Variants in RANBP17 observed in about 807,000 individuals in gnomAD.
RANBP17 encodes ran-binding protein 17.
Under a neutral mutation model 141.2 loss-of-function variants are expected in RANBP17, and 158 were observed. The observed-to-expected ratio is 1.12, with a 90% CI of 0.98 to 1.28. The LOEUF is 1.28. RANBP17 is among the 50% of genes most tolerant of loss of function. RANBP17 has a pLI of 0.00. For missense variants in RANBP17, 1,438 were observed against 1,290.7 expected, an observed-to-expected ratio of 1.11 and a Z score of -1.75; for synonymous variants, 430 against 450.0, an observed-to-expected ratio of 0.96 and a Z score of 0.56.
intron 14 of RANBP17, among the ~76,000 whole-genome samples, chr5:171,080,531 T>C (rs1222752938): frequency 1.3e-5 from 2 of 152,200 alleles, no homozygotes; most frequent in African/African-American, 4.8e-5. Context: ...TGACATTTTG[T>C]CTGACCTGAA....
chr5:170,919,237 A>G (rs2127436215), intron 10 of RANBP17, among the ~76,000 whole-genome samples: 1 of 152,168 alleles, frequency 6.6e-6, no homozygotes, highest in Middle Eastern at 3.4e-3. Flanking sequence ...GTAATATTTT[A>G]ATGTTACTCT....
intron 1 of RANBP17, among the ~76,000 whole-genome samples, chr5:170,877,182 A>G (rs1445465520): frequency 1.3e-5 from 2 of 152,192 alleles, no homozygotes; most frequent in East Asian, 3.8e-4. Flanking sequence ...TGCTAGAAAT[A>G]CCATGGGATC....
intron 14 of RANBP17, among the ~76,000 whole-genome samples, chr5:171,061,076 C>T (rs1783806854): frequency 6.6e-6 from 1 of 151,894 alleles, no homozygotes; most frequent in Admixed American, 6.6e-5. Context: ...GTCTTGCTAG[C>T]GGTCTATCAA....
At chr5:171,217,373 T>G (rs189214404) in intron 21 of RANBP17, among the ~76,000 whole-genome samples, 37 of 152,274 alleles carry the variant, frequency 2.4e-4, no homozygotes, top group Middle Eastern at 3.4e-3. Flanking sequence ...GAAATTTTAT[T>G]TTTTTGTTGT....
chr5:170,948,787 T>C (rs1459639163), intron 12 of RANBP17, among the ~76,000 whole-genome samples: 1 of 150,254 alleles, frequency 6.7e-6, no homozygotes, highest in Non-Finnish European at 1.5e-5. Flanking sequence ...AAGACTCATA[T>C]TTTTTTTTAT....
chr5:170,876,489 C>G (rs769481641), intron 1 of RANBP17, among the ~76,000 whole-genome samples: 2 of 152,092 alleles, frequency 1.3e-5, no homozygotes, highest in Non-Finnish European at 2.9e-5. Context: ...TAGTAGTAAT[C>G]TGGGTTTGTT....
chr5:171,205,677 C>G, intron 20 of RANBP17, 65 bp downstream of exon 20: 2 of 1,268,066 alleles, frequency 1.6e-6, no homozygotes, highest in South Asian at 2.4e-5. Flanking sequence ...CCCTCGCTTT[C>G]GTTTAATAGT....
At chr5:171,128,298 A>T (rs991131368) in intron 14 of RANBP17, among the ~76,000 whole-genome samples, 16 of 152,382 alleles carry the variant, frequency 1.0e-4, no homozygotes, top group African/African-American at 3.1e-4. Context: ...GTATATATAC[A>T]CAATGGAATG....
chr5:171,043,131 A>G (rs917298434), intron 14 of RANBP17, among the ~76,000 whole-genome samples: 1 of 152,200 alleles, frequency 6.6e-6, no homozygotes, highest in Non-Finnish European at 1.5e-5. Flanking sequence ...TATTCCTTGA[A>G]TTACTTTTGT....
intron 5 of RANBP17, 83 bp from the exon 6 acceptor site, chr5:170,909,578 C>CTT (rs386405668): frequency 0.032 from 7,725 of 239,702 alleles, 34 homozygotes; most frequent in Middle Eastern, 0.058. Context: ...AGTTTATTTC[C>CTT]TTTTTTTTTT....
chr5:171,198,771 G>A (rs926208957), intron 18 of RANBP17, among the ~76,000 whole-genome samples: 2 of 152,156 alleles, frequency 1.3e-5, no homozygotes, highest in African/African-American at 4.8e-5. Flanking sequence ...AAATTAGGAG[G>A]TCTGAACCAT....
intron 3 of RANBP17, among the ~76,000 whole-genome samples, chr5:170,892,145 T>TTTAC (rs1769679893): frequency 6.6e-6 from 1 of 151,894 alleles, no homozygotes; most frequent in African/African-American, 2.4e-5. Flanking sequence ...TTTTTTTTTT[T>TTTAC]TTTACATTAA....
At chr5:171,297,466 C>T in intron 27 of RANBP17, among the ~76,000 whole-genome samples, 1 of 152,236 alleles carries the variant, frequency 6.6e-6, no homozygotes, top group Non-Finnish European at 1.5e-5. Flanking sequence ...TGCAAATCAT[C>T]AGTCATCCCA....
At chr5:171,014,194 T>TA (rs1780273847) in intron 14 of RANBP17, among the ~76,000 whole-genome samples, 1 of 152,058 alleles carries the variant, frequency 6.6e-6, no homozygotes, top group Admixed American at 6.6e-5. Context: ...TTCATTTTTT[T>TA]ATCTTTAACC....
chr5:171,089,406 C>G (rs981654531), intron 14 of RANBP17, among the ~76,000 whole-genome samples: 2 of 151,648 alleles, frequency 1.3e-5, no homozygotes, highest in Admixed American at 6.6e-5. Flanking sequence ...TTACTGCTGT[C>G]TTTTTGTTTG....
At chr5:170,981,764 A>G (rs1777792995) in intron 14 of RANBP17, among the ~76,000 whole-genome samples, 1 of 152,136 alleles carries the variant, frequency 6.6e-6, no homozygotes, top group South Asian at 2.1e-4. Flanking sequence ...ACTAGCAACC[A>G]GATGTATAAG....
chr5:171,170,148 G>T lies in RANBP17; in HGVS notation c.1729G>T (p.Glu577Ter). The T allele has an allele frequency of 6.3e-7, 1 of 1,582,802 alleles. No homozygotes were observed. The highest frequency in any genetic ancestry group is 8.6e-7 in the Non-Finnish European group (1 of 1,160,808). ...RTSKVYARMS[E>*]VLGITDDNHV... The stretch of plus-strand genomic sequence containing the variant: ...AATGCAGGTATATGCTCGTATGTCA[G>T]AAGTCTTAGGAATAACAGATGACAA... The change falls in exon 15 of 28, where the codon GAA (glutamate) becomes TAA (stop). Residue 577 changes from glutamate (E) to a stop codon, truncating the protein, a stop_gained. Transcript: ENST00000523189. LOFTEE classifies it high-confidence loss of function.
intron 1 of RANBP17, among the ~76,000 whole-genome samples, chr5:170,869,336 T>C (rs1434916262): frequency 4.6e-5 from 7 of 151,538 alleles, no homozygotes; most frequent in African/African-American, 1.7e-4. Context: ...TTTTTTTTTT[T>C]TTTTTGAGTT....
intron 14 of RANBP17, among the ~76,000 whole-genome samples, chr5:171,143,089 A>G (rs147971936): frequency 7.7e-4 from 118 of 152,344 alleles, no homozygotes; most frequent in Non-Finnish European, 7.4e-5. Flanking sequence ...AGCTAGTGGG[A>G]TAAACAGCTC....
Sources: allele counts gnomAD v4.1 joint callset (sites outside exome capture counted in the v4.1 genomes callset), GRCh38; gene constraint gnomAD v4.1.1; transcripts MANE v1.5; gene names NCBI Gene and HGNC (gene_info 2026-07-23, HGNC 2026-07-21).